The following CCL28 variants were observed in gnomAD, a reference collection of about 807,000 sequenced individuals.
CCL28 encodes the protein C-C motif chemokine ligand 28, also known as C-C motif chemokine 28.
A neutral mutation model predicts 7.1 loss-of-function variants in CCL28; 4 were observed. The observed-to-expected ratio is 0.56, with a 90% confidence interval of 0.28 to 1.29. The LOEUF is 1.29. Among genes scored for constraint, CCL28 ranks in the 50% most tolerant of loss-of-function variants. CCL28 has a pLI of 0.11. For missense variants in CCL28, 151 were observed against 163.4 expected (o/e 0.92, Z 0.41); for synonymous variants, 55 against 57.8 (o/e 0.95, Z 0.22).
chr5:43,396,702 T>C (rs1230325108), intron 1 of CCL28, among the ~76,000 whole-genome samples: 1 of 151,730 alleles, frequency 6.6e-6, no homozygotes, highest in Non-Finnish European at 1.5e-5. Context: ...GAAAAAAACG[T>C]GTGTTCAACT....
At chr5:43,391,180 T>G (rs1425504670) in intron 1 of CCL28, among the ~76,000 whole-genome samples, 1 of 152,196 alleles carries the variant, frequency 6.6e-6, no homozygotes. Context: ...TGGGTCCATC[T>G]TTATCAAGGT....
chr5:43,403,068 G>C (rs1741109479), intron 1 of CCL28, among the ~76,000 whole-genome samples: 1 of 152,222 alleles, frequency 6.6e-6, no homozygotes, highest in Non-Finnish European at 1.5e-5. Context: ...TGCCTCTGTA[G>C]ACTCCACCTC....
chr5:43,405,905 G>C (rs1306671151), intron 1 of CCL28, among the ~76,000 whole-genome samples: 8 of 152,098 alleles, frequency 5.3e-5, no homozygotes, highest in Non-Finnish European at 7.4e-5. Flanking sequence ...AGAAGAAATG[G>C]ATAAATTCCT....
At chr5:43,382,765 A>T (rs1263443225) in intron 2 of CCL28, among the ~76,000 whole-genome samples, 1 of 152,154 alleles carries the variant, frequency 6.6e-6, no homozygotes, top group Admixed American at 6.6e-5. Context: ...TTTTAATATG[A>T]TATAGATCTA....
rs1740181887 is a variant in CCL28 at position 43,382,926 on chromosome 5, C to T, written c.192-874G>A. Among the ~76,000 whole-genome samples, 3 of 152,040 alleles carry T rather than the reference C, an allele frequency of 2.0e-5. No homozygotes were observed. The South Asian group carries it at 6.2e-4, about 32-fold the overall frequency. ...TTCCGTCTCCCGGGTTCAAGTGATT[C>T]TTCTGCCTCAGCCTCCCGAGTAGCT... On this transcript the variant is annotated intron_variant, in intron 2 of 2. Transcript: ENST00000361115.
At chr5:43,384,542 G>A (rs990858405) in intron 2 of CCL28, among the ~76,000 whole-genome samples, 5 of 152,056 alleles carry the variant, frequency 3.3e-5, no homozygotes, top group Admixed American at 3.3e-4. Context: ...TCCCCTACTC[G>A]CAATTCCATA....
At position 43,396,254 on chromosome 5, in the gene CCL28, T is replaced by C. The variant is rs1311286655; in HGVS notation, c.65-7778A>G. ...AACTGTCATGGCGCTGATGGGAGTG[T>C]AGTAGTGAGGGCGACCAGAGGTTAC... On this transcript the variant is annotated intron_variant, in intron 1 of 2. Transcript: ENST00000361115. 2.0e-5 allele frequency among the ~76,000 whole-genome samples: 3 copies of C among 152,206 alleles called. No homozygotes were observed. In the East Asian group the frequency reaches 5.8e-4, roughly 29 times the overall value.
chr5:43,389,990 C>T (rs892609193), intron 1 of CCL28, among the ~76,000 whole-genome samples: 1 of 152,160 alleles, frequency 6.6e-6, no homozygotes, highest in African/African-American at 2.4e-5. Context: ...CAGAATAGTT[C>T]CATTTTTAAA....
At chr5:43,373,126 G>A (rs1453250091), downstream of CCL28, among the ~76,000 whole-genome samples, 1 of 151,962 alleles carries the variant, frequency 6.6e-6, no homozygotes, top group Non-Finnish European at 1.5e-5. Context: ...GTGTGTTTTG[G>A]CGAACATATT....
At chr5:43,410,651 C>T (rs1207718824) in intron 1 of CCL28, among the ~76,000 whole-genome samples, 1 of 152,168 alleles carries the variant, frequency 6.6e-6, no homozygotes, top group Non-Finnish European at 1.5e-5. Context: ...GCTGTTCCCT[C>T]CCTCCTTTCC....
intron 1 of CCL28, among the ~76,000 whole-genome samples, chr5:43,391,303 A>C (rs1302406803): frequency 6.6e-6 from 1 of 152,214 alleles, no homozygotes; most frequent in African/African-American, 2.4e-5. Context: ...GATTCATGCA[A>C]ATTTGGTTGG....
chr5:43,396,004 T>G (rs1047284802), intron 1 of CCL28, among the ~76,000 whole-genome samples: 5 of 151,788 alleles, frequency 3.3e-5, no homozygotes, highest in African/African-American at 1.2e-4. Flanking sequence ...CCCCAGTAGC[T>G]GGTACTACAG....
chr5:43,408,865 G>A (rs1579757088), intron 1 of CCL28, among the ~76,000 whole-genome samples: 2 of 148,294 alleles, frequency 1.3e-5, no homozygotes, highest in African/African-American at 4.9e-5. Context: ...GACATTTTTG[G>A]TAATTTTATT....
At chr5:43,364,305 ATG>A in the CCL28 span, among the ~76,000 whole-genome samples, 1 of 151,512 alleles carries the variant, frequency 6.6e-6, no homozygotes, top group Non-Finnish European at 1.5e-5. Context: ...AAAACTATAT[ATG>A]TGTGTGTGTG....
intron 1 of CCL28, among the ~76,000 whole-genome samples, chr5:43,408,808 A>C (rs1326458429): frequency 6.6e-6 from 1 of 151,784 alleles, no homozygotes; most frequent in Non-Finnish European, 1.5e-5. Flanking sequence ...AAATACACTA[A>C]GTATTTGTAA....
chr5:43,384,605 A>G (rs1443114133), intron 2 of CCL28, among the ~76,000 whole-genome samples: 3 of 151,350 alleles, frequency 2.0e-5, no homozygotes, highest in Non-Finnish European at 4.4e-5. Context: ...TTGTAGGTGG[A>G]GAGTTTTGAC....
intron 1 of CCL28, among the ~76,000 whole-genome samples, chr5:43,400,500 G>A (rs1740986165): frequency 6.6e-6 from 1 of 151,906 alleles, no homozygotes; most frequent in South Asian, 2.1e-4. Context: ...TGGGTTTTCA[G>A]GAAAGGATCT....
At chr5:43,365,889 A>G in the CCL28 span, among the ~76,000 whole-genome samples, 1 of 152,022 alleles carries the variant, frequency 6.6e-6, no homozygotes, top group East Asian at 1.9e-4. Flanking sequence ...TCTTGTCTTC[A>G]CGCTTTATTT....
In CCL28 at chr5:43,381,478, G is replaced by A. The variant is rs7706402; in HGVS notation, c.*382C>T. 83,135 of 156,566 alleles carry A rather than the reference G, an allele frequency of 0.53. 22,880 individuals carry two copies. The highest frequency in any genetic ancestry group is 0.66 in the Middle Eastern group (207 of 312). The allele number at this position is 156,566 out of a possible 1,614,324, so 9.7% of individuals were successfully genotyped here. A position where few individuals can be genotyped will look rare whatever the true frequency, so the allele number is the denominator to read the frequency against. ...AGACTCAAGTGATCCTCCCACCTCA[G>A]CCTCCCATGTGGCTGGGATTATAGG... is the stretch of plus-strand genomic sequence containing the variant. On this transcript the variant is annotated 3_prime_UTR_variant, in exon 3 of 3. Transcript: ENST00000361115.
Sources: gnomAD v4.1 joint callset for allele counts (sites outside exome capture counted in the v4.1 genomes callset) on GRCh38, gnomAD v4.1.1 for gene constraint, MANE v1.5 for transcripts, NCBI Gene and HGNC (gene_info 2026-07-23, HGNC 2026-07-21) for gene names.